Variants in SNAP25 observed in about 807,000 individuals in gnomAD.
SNAP25 encodes the protein synaptosome associated protein 25.
Under a neutral mutation model 28.7 loss-of-function variants are expected in SNAP25, and 3 were observed. The observed-to-expected ratio is 0.10, with a 90% CI of 0.05 to 0.27. The LOEUF is 0.27. SNAP25 is among the 10% of genes least tolerant of loss of function. SNAP25 has a pLI of 1.00. For missense variants in SNAP25, 117 were observed against 278.7 expected (o/e 0.42, Z 4.13); for synonymous variants, 61 against 88.1 (o/e 0.69, Z 1.72).
rs144138615 is a variant in SNAP25 at position 10,284,000 on chromosome 20, T to G, written c.115-724T>G. Reference sequence around the variant, plus strand: ...AGATGAGGGATGCCTTTTAAAGACTTCCCCGGCACAGAAGAATTTCTGTAA... The same window carrying G: ...AGATGAGGGATGCCTTTTAAAGACTGCCCCGGCACAGAAGAATTTCTGTAA... On this transcript the variant is annotated intron_variant, in intron 3 of 7. Transcript: ENST00000254976. Among the ~76,000 whole-genome samples, 69 of 152,248 alleles carry G rather than the reference T, an allele frequency of 4.5e-4. No individual in the cohort carries two copies. The East Asian group carries it at 0.013, about 28-fold the overall frequency.
At chr20:10,287,523 G>A (rs2063906420) in intron 4 of SNAP25, among the ~76,000 whole-genome samples, 1 of 144,140 alleles carries the variant, frequency 6.9e-6, no homozygotes, top group African/African-American at 2.6e-5. Flanking sequence ...GTGCTGGAGA[G>A]GATGTGGAGA....
At chr20:10,230,788 C>T (rs1475008482) in intron 1 of SNAP25, among the ~76,000 whole-genome samples, 1 of 152,218 alleles carries the variant, frequency 6.6e-6, no homozygotes, top group South Asian at 2.1e-4. Context: ...CTGTCCTGGA[C>T]CATTGGATAG....
chr20:10,265,873 C>T (rs910771877), intron 1 of SNAP25, among the ~76,000 whole-genome samples: 1 of 152,148 alleles, frequency 6.6e-6, no homozygotes, highest in Non-Finnish European at 1.5e-5. Flanking sequence ...TTGTTCAGTA[C>T]GTGATCCAAT....
chr20:10,249,820 T>A (rs1369884418), intron 1 of SNAP25, among the ~76,000 whole-genome samples: 3 of 152,100 alleles, frequency 2.0e-5, no homozygotes, highest in African/African-American at 7.2e-5. Flanking sequence ...AGCTAATTAT[T>A]TTGCTTCCCA....
In SNAP25 at chr20:10,293,007, C is replaced by A. The variant is rs1568623929; in HGVS notation, c.164-154C>A. 2 of 1,565,168 alleles carry A rather than the reference C, an allele frequency of 1.3e-6. No homozygotes were observed. The highest frequency in any genetic ancestry group is 8.7e-7 in the Non-Finnish European group (1 of 1,143,570). ...CATATGTCCTTGTAACAAGTAGGTACTGGGTACCAGCTCTAATCTGTGGCG... is the reference window on the plus strand; with the variant it reads ...CATATGTCCTTGTAACAAGTAGGTAATGGGTACCAGCTCTAATCTGTGGCG... On this transcript the variant is annotated intron_variant, in intron 4 of 7. Coordinates refer to ENST00000254976, the MANE Select transcript of SNAP25 (RefSeq NM_130811.4). The surrounding 1 kb of genome is among the most constrained non-coding windows in gnomAD (Gnocchi z 5.6).
At chr20:10,267,943 A>G (rs1450723711) in intron 1 of SNAP25, among the ~76,000 whole-genome samples, 1 of 152,182 alleles carries the variant, frequency 6.6e-6, no homozygotes, top group East Asian at 1.9e-4. Context: ...AAATCACCCA[A>G]ACTCTTGATC....
chr20:10,261,351 C>T (rs757718728), intron 1 of SNAP25, among the ~76,000 whole-genome samples: 17 of 152,250 alleles, frequency 1.1e-4, no homozygotes, highest in East Asian at 3.9e-4. Context: ...CACTTCTATT[C>T]CCTGAGCCAC....
intron 1 of SNAP25, among the ~76,000 whole-genome samples, chr20:10,245,357 C>T (rs948488241): frequency 3.3e-5 from 5 of 152,060 alleles, no homozygotes; most frequent in East Asian, 1.9e-4. Context: ...AACTGATCGC[C>T]GGTATAAAAG....
intron 5 of SNAP25, among the ~76,000 whole-genome samples, chr20:10,294,488 T>G (rs1471479263): frequency 6.6e-6 from 1 of 152,110 alleles, no homozygotes; most frequent in Non-Finnish European, 1.5e-5. Context: ...AGAAAAAAAA[T>G]CACATCAGAA....
At chr20:10,221,673 T>C (rs956187936) in intron 1 of SNAP25, among the ~76,000 whole-genome samples, 1 of 152,240 alleles carries the variant, frequency 6.6e-6, no homozygotes, top group African/African-American at 2.4e-5. Flanking sequence ...TTTTACTTTG[T>C]TAAACACGCA....
intron 1 of SNAP25, among the ~76,000 whole-genome samples, chr20:10,223,829 A>T (rs763089755): frequency 3.3e-5 from 5 of 152,216 alleles, no homozygotes; most frequent in Non-Finnish European, 7.3e-5. Flanking sequence ...TTCACCCAAT[A>T]TGAAAGTCCA....
chr20:10,235,174 G>A (rs538046784), intron 1 of SNAP25, among the ~76,000 whole-genome samples: 86 of 151,990 alleles, frequency 5.7e-4, no homozygotes, highest in African/African-American at 1.5e-3. Flanking sequence ...TTGAGGTTGC[G>A]GTGAGCTACG....
intron 1 of SNAP25, among the ~76,000 whole-genome samples, chr20:10,265,582 T>C (rs1475378859): frequency 6.6e-6 from 1 of 152,170 alleles, no homozygotes; most frequent in East Asian, 1.9e-4. Context: ...AGAATTTATC[T>C]CATGGAAATC....
At chr20:10,294,348 G>C (rs1386590361) in intron 5 of SNAP25, among the ~76,000 whole-genome samples, 1 of 151,972 alleles carries the variant, frequency 6.6e-6, no homozygotes, top group Non-Finnish European at 1.5e-5. Context: ...GGCTCATATT[G>C]CAAAAAAATT....
At chr20:10,284,298 T>G (rs909781999) in intron 3 of SNAP25, among the ~76,000 whole-genome samples, 1 of 152,118 alleles carries the variant, frequency 6.6e-6, no homozygotes, top group African/African-American at 2.4e-5. Flanking sequence ...CCAATTTCAC[T>G]GATGAAGACT....
intron 1 of SNAP25, among the ~76,000 whole-genome samples, chr20:10,249,419 A>T (rs903731748): frequency 6.6e-6 from 1 of 152,124 alleles, no homozygotes; most frequent in African/African-American, 2.4e-5. Flanking sequence ...TGGCACAAAG[A>T]TGTTACCTTT....
At chr20:10,271,540 GA>G (rs2063591363) in intron 1 of SNAP25, among the ~76,000 whole-genome samples, 1 of 152,232 alleles carries the variant, frequency 6.6e-6, no homozygotes, top group Non-Finnish European at 1.5e-5. Context: ...TGAAAGTGAT[GA>G]AACCAAGGGT....
intron 3 of SNAP25, among the ~76,000 whole-genome samples, chr20:10,282,038 A>C (rs1207782136): frequency 6.6e-6 from 1 of 152,102 alleles, no homozygotes; most frequent in Non-Finnish European, 1.5e-5. Context: ...ACCTGACCAA[A>C]TTGTCTCACA....
intron 3 of SNAP25, 164 bp downstream of exon 3, chr20:10,277,890 C>A: frequency 1.6e-6 from 1 of 633,344 alleles, no homozygotes; most frequent in Non-Finnish European, 2.7e-6. Context: ...TTTAAGTTGC[C>A]AGATAGCCAT....
Sources: allele counts gnomAD v4.1 joint callset (sites outside exome capture counted in the v4.1 genomes callset), GRCh38; gene constraint gnomAD v4.1.1; non-coding constraint Gnocchi (gnomAD v3.1); transcripts MANE v1.5; gene names NCBI Gene and HGNC (gene_info 2026-07-23, HGNC 2026-07-21).